SEZ6L: variants seen among roughly 807,000 people sequenced by gnomAD.
The protein encoded by SEZ6L is seizure related 6 homolog like.
SEZ6L carries 37 observed loss-of-function variants against 106.2 expected under a neutral mutation model. The ratio of observed to expected loss-of-function variants is 0.35; its 90% confidence interval spans 0.27 to 0.46. The LOEUF (loss-of-function observed/expected upper bound fraction) is 0.46, where lower values mean the gene tolerates loss of function less well. Ranked by LOEUF, SEZ6L falls within the 20% of genes least tolerant of loss-of-function variation. The probability of loss-of-function intolerance (pLI) is 1.00; values close to 1 mark genes in which losing one functional copy is unlikely to be tolerated. For synonymous variants in SEZ6L, 541 were observed against 570.4 expected, an observed-to-expected ratio of 0.95 and a Z score of 0.73; for missense variants, 1,172 against 1,332.8, an observed-to-expected ratio of 0.88 and a Z score of 1.88.
intron 1 of SEZ6L, among the ~76,000 whole-genome samples, chr22:26,270,589 A>G (rs566629986): frequency 2.4e-4 from 37 of 152,108 alleles, no homozygotes; most frequent in African/African-American, 8.4e-4. Context: ...AGCTATAGAC[A>G]CCTTCAGTGC....
At chr22:26,358,238 T>C (rs73158659) in intron 12 of SEZ6L, among the ~76,000 whole-genome samples, 94 of 152,328 alleles carry the variant, frequency 6.2e-4, no homozygotes, top group South Asian at 3.1e-3. Flanking sequence ...GAAGGGCCTT[T>C]GTTATAGCAG....
At chr22:26,315,636 C>T (rs188902367) in intron 9 of SEZ6L, among the ~76,000 whole-genome samples, 86 of 152,170 alleles carry the variant, frequency 5.7e-4, no homozygotes, top group Non-Finnish European at 9.7e-4. Context: ...GGGCTGGGCT[C>T]ACCTGTTCTC....
intron 9 of SEZ6L, among the ~76,000 whole-genome samples, chr22:26,320,575 G>T (rs1479882671): frequency 6.6e-6 from 1 of 152,234 alleles, no homozygotes; most frequent in African/African-American, 2.4e-5. Context: ...CTATGTAGCA[G>T]GCATTGAGGC....
chr22:26,228,801 G>T (rs762710000), intron 1 of SEZ6L, among the ~76,000 whole-genome samples: 2 of 152,110 alleles, frequency 1.3e-5, no homozygotes, highest in Non-Finnish European at 2.9e-5. Context: ...AGGTCCCACG[G>T]CTATTCATTG....
At chr22:26,373,579 AAAAT>A (rs903137970) in intron 14 of SEZ6L, 96 bp downstream of exon 14, 14 of 923,784 alleles carry the variant, frequency 1.5e-5, no homozygotes, top group African/African-American at 1.2e-4. Flanking sequence ...AGACACTTAA[AAAAT>A]AAATAAATTC....
intron 1 of SEZ6L, among the ~76,000 whole-genome samples, chr22:26,215,571 G>A (rs887624814): frequency 6.6e-6 from 1 of 152,094 alleles, no homozygotes; most frequent in African/African-American, 2.4e-5. Context: ...AAAAGAAAAG[G>A]CTCAATCCAT....
At chr22:26,227,887 A>T (rs1296868183) in intron 1 of SEZ6L, among the ~76,000 whole-genome samples, 2 of 152,194 alleles carry the variant, frequency 1.3e-5, no homozygotes, top group Admixed American at 6.5e-5. Context: ...GAAGATTTGC[A>T]CACATGCATG....
chr22:26,183,247 A>G (rs1334528491), intron 1 of SEZ6L, among the ~76,000 whole-genome samples: 4 of 152,218 alleles, frequency 2.6e-5, no homozygotes, highest in Non-Finnish European at 4.4e-5. Flanking sequence ...TTTATTTCAG[A>G]CATTCTACTC....
At chr22:26,305,871 A>T in intron 5 of SEZ6L, 108 bp from the exon 6 acceptor site, 1 of 1,214,462 alleles carries the variant, frequency 8.2e-7, no homozygotes, top group African/African-American at 1.5e-5. Flanking sequence ...TCAGGGGAGA[A>T]TGAAACACTC....
In SEZ6L at chr22:26,311,844, T is replaced by G; in HGVS notation, c.1758T>G (p.Ile586Met). The change falls in exon 8 of 17, where the codon ATT (isoleucine) becomes ATG (methionine). Residue 586 changes from isoleucine (I) to methionine (M), a missense_variant. Ile to Met is a conservative substitution (Grantham distance 10). Transcript: ENST00000248933. ...NFTTSDPTYNIGTIVEFTCDP... is the reference protein window; with the variant it reads ...NFTTSDPTYNMGTIVEFTCDP... The stretch of plus-strand genomic sequence containing the variant: ...CTACATCCGACCCGACCTATAACAT[T>G]GGGACTATAGTGGAGTTCACCTGCG... 6.2e-7 allele frequency: 1 copy of G among 1,614,120 alleles called. No homozygotes were observed. Among genetic ancestry groups the G allele is most frequent in the Non-Finnish European group, 8.5e-7 (1 of 1,180,012 alleles).
Position 26,275,968 on chromosome 22 carries a change from C to G in SEZ6L, c.95-16438C>G, listed in dbSNP as rs2080530399. ...GAGGAGAGACATGGAGCAAATACAG[C>G]CCCTTCCCTCACCTCACTGGGGCAT... On this transcript the variant is annotated intron_variant, in intron 1 of 16. Transcript: ENST00000248933. Among the ~76,000 whole-genome samples, 3 of 152,180 alleles carry G rather than the reference C, an allele frequency of 2.0e-5. No individual in the cohort carries two copies. In the South Asian group the frequency reaches 6.2e-4, roughly 32 times the overall value.
At chr22:26,243,102 CTCTTA>C (rs1437403078) in intron 1 of SEZ6L, among the ~76,000 whole-genome samples, 4 of 152,144 alleles carry the variant, frequency 2.6e-5, no homozygotes, top group Non-Finnish European at 5.9e-5. Flanking sequence ...AATTTCCCTC[CTCTTA>C]TAAGGACACC....
rs1482552607 is a variant in SEZ6L, at chr22:26,371,564, C to T, written c.2795-1887C>T. Among the ~76,000 whole-genome samples, 6 of 151,752 alleles carry T rather than the reference C, an allele frequency of 4.0e-5. No individual in the cohort carries two copies. In the South Asian group the frequency reaches 6.2e-4, roughly 16 times the overall value. ...GGAGAATCGCTTGAAACCGGGAGGC[C>T]GAGGTTGCAGTGGGCTGAGATTGCA... On this transcript the variant is annotated intron_variant, in intron 13 of 16. Coordinates refer to ENST00000248933, the MANE Select transcript of SEZ6L (RefSeq NM_021115.5).
intron 1 of SEZ6L, among the ~76,000 whole-genome samples, chr22:26,190,493 C>T (rs1940119169): frequency 6.6e-6 from 1 of 152,136 alleles, no homozygotes; most frequent in African/African-American, 2.4e-5. Context: ...AGTTCAAATC[C>T]CATCTCTGCC....
At chr22:26,171,377 C>T (rs1938592897) in intron 1 of SEZ6L, among the ~76,000 whole-genome samples, 1 of 152,278 alleles carries the variant, frequency 6.6e-6, no homozygotes, top group Admixed American at 6.5e-5. Flanking sequence ...CTCCCTCCCC[C>T]ACCCCCTTTT....
intron 10 of SEZ6L, among the ~76,000 whole-genome samples, chr22:26,343,656 G>A (rs996307701): frequency 1.1e-4 from 17 of 152,166 alleles, no homozygotes; most frequent in Admixed American, 2.6e-4. Flanking sequence ...GTGGAAATGC[G>A]AAAGGCAGTC....
At chr22:26,351,352 G>A in intron 12 of SEZ6L, 109 bp downstream of exon 12, 1 of 901,594 alleles carries the variant, frequency 1.1e-6, no homozygotes, top group Non-Finnish European at 1.7e-6. Context: ...TTTCGACAGG[G>A]GCTTTTATTA....
chr22:26,312,082 A>T lies in SEZ6L; in HGVS notation c.1876+120A>T, dbSNP rs2081856367. ...GTTTTCATACCAACTTTAGGATTAG[A>T]ACCCTTTCCAGGGTTCACTGTCCTT... On this transcript the variant is annotated intron_variant, in intron 8 of 16. Transcript: ENST00000248933. 3.0e-6 allele frequency: 3 copies of T among 994,316 alleles called. No individual in the cohort carries two copies. The South Asian group carries it at 4.9e-5, about 16-fold the overall frequency. 61.6% of individuals were successfully genotyped at this position (994,316 alleles called of 1,614,324 possible).
At chr22:26,272,813 G>A (rs2080411538) in intron 1 of SEZ6L, among the ~76,000 whole-genome samples, 1 of 152,188 alleles carries the variant, frequency 6.6e-6, no homozygotes, top group Non-Finnish European at 1.5e-5. Flanking sequence ...AATAGAGCTA[G>A]TAGTTAATGG....
Sources: gnomAD v4.1 joint callset for allele counts (sites outside exome capture counted in the v4.1 genomes callset) on GRCh38, gnomAD v4.1.1 for gene constraint, MANE v1.5 for transcripts, NCBI Gene and HGNC (gene_info 2026-07-23, HGNC 2026-07-21) for gene names.